Variants in ARMH4 observed in about 807,000 individuals in gnomAD.
ARMH4 encodes the protein armadillo like helical domain containing 4, also known as armadillo-like helical domain-containing protein 4.
ARMH4 carries 49 observed loss-of-function variants against 61.9 expected under a neutral mutation model. That is an observed-to-expected ratio of 0.79 (90% CI 0.63 to 1.00). ARMH4 has a LOEUF of 1.00. ARMH4 is among the 50% of genes least tolerant of loss of function. The pLI, the probability that ARMH4 is intolerant of heterozygous loss-of-function variation, is 0.00. For synonymous variants in ARMH4, 368 were observed against 341.5 expected, an observed-to-expected ratio of 1.08 and a Z score of -0.85; for missense variants, 934 against 930.0, an observed-to-expected ratio of 1.00 and a Z score of -0.06.
intron 5 of ARMH4, among the ~76,000 whole-genome samples, chr14:58,029,100 T>C (rs540960801): frequency 6.6e-6 from 1 of 152,240 alleles, no homozygotes; most frequent in African/African-American, 2.4e-5. Flanking sequence ...TCCCTCTCCA[T>C]TCCCCTCACT....
intron 5 of ARMH4, among the ~76,000 whole-genome samples, chr14:58,071,856 A>C (rs1350118208): frequency 6.6e-6 from 1 of 152,252 alleles, no homozygotes; most frequent in Non-Finnish European, 1.5e-5. Context: ...AGTGCTGACG[A>C]CAAGGGAGAT....
At chr14:58,123,136 A>G (rs1222055048) in intron 4 of ARMH4, among the ~76,000 whole-genome samples, 2 of 152,062 alleles carry the variant, frequency 1.3e-5, no homozygotes, top group Non-Finnish European at 2.9e-5. Flanking sequence ...TACTCTTTTC[A>G]CACGCTTTTC....
chr14:58,038,416 G>A (rs188852878), intron 5 of ARMH4, among the ~76,000 whole-genome samples: 1 of 110,852 alleles, frequency 9.0e-6, no homozygotes, highest in Non-Finnish European at 1.8e-5. Flanking sequence ...GTCGGGGGAG[G>A]GGGGAGGGAT....
At chr14:58,122,582 A>G (rs1886762235) in intron 4 of ARMH4, among the ~76,000 whole-genome samples, 1 of 152,156 alleles carries the variant, frequency 6.6e-6, no homozygotes, top group Non-Finnish European at 1.5e-5. Flanking sequence ...GGTTTTCTAT[A>G]ATAGAGATCA....
At chr14:58,147,336 T>G (rs528543016) in intron 1 of ARMH4, among the ~76,000 whole-genome samples, 16 of 147,148 alleles carry the variant, frequency 1.1e-4, no homozygotes, top group Non-Finnish European at 2.4e-4. Flanking sequence ...TTTTTTTTGA[T>G]AGGAAGTCTC....
At position 58,117,892 on chromosome 14, in the gene ARMH4, G is replaced by C. The variant is rs188428266; in HGVS notation, c.1831+13620C>G. ...TCCTGCCTCAGCCTCCTGAACAGCT[G>C]AGACTACAGGTACATGCCACCACAC... On this transcript the variant is annotated intron_variant, in intron 4 of 7. Coordinates refer to ENST00000267485, the MANE Select transcript of ARMH4 (RefSeq NM_001001872.4). Among the ~76,000 whole-genome samples, 659 of 151,130 alleles carry C rather than the reference G, an allele frequency of 4.4e-3. 2 individuals carry two copies. Among genetic ancestry groups the C allele is most frequent in the African/African-American group, 0.015 (628 of 41,156 alleles).
At chr14:58,085,509 T>G (rs1885350574) in intron 5 of ARMH4, among the ~76,000 whole-genome samples, 1 of 152,116 alleles carries the variant, frequency 6.6e-6, no homozygotes, top group Non-Finnish European at 1.5e-5. Flanking sequence ...TTAACTGTAG[T>G]GGATGAAGAG....
intron 5 of ARMH4, among the ~76,000 whole-genome samples, chr14:58,047,805 T>C (rs763747820): frequency 1.3e-5 from 2 of 151,824 alleles, no homozygotes; most frequent in African/African-American, 2.4e-5. Context: ...TTGCACTGCA[T>C]AGGAATAGGA....
At chr14:58,114,765 T>C (rs1261038882) in intron 4 of ARMH4, among the ~76,000 whole-genome samples, 1 of 152,062 alleles carries the variant, frequency 6.6e-6, no homozygotes, top group African/African-American at 2.4e-5. Flanking sequence ...TACCTTCTAA[T>C]AGAGAACCAA....
chr14:58,137,494 G>T (rs958797324), intron 2 of ARMH4, among the ~76,000 whole-genome samples: 1 of 152,002 alleles, frequency 6.6e-6, no homozygotes, highest in Non-Finnish European at 1.5e-5. Context: ...GCCTTCCCAG[G>T]TTAAAGTGAT....
At chr14:58,133,623 C>A (rs1887203324) in intron 2 of ARMH4, among the ~76,000 whole-genome samples, 1 of 152,274 alleles carries the variant, frequency 6.6e-6, no homozygotes, top group Non-Finnish European at 1.5e-5. Flanking sequence ...AGCTCCCTTT[C>A]AGGCACATGT....
rs117946058 is a variant in ARMH4 at position 58,008,073 on chromosome 14, G to C, written c.2122-2891C>G. ...TTATGAAGGATATTTTGGGTTTGTT[G>C]AAAAAACTGAAATATGAATGCCAGA... On this transcript the variant is annotated intron_variant, in intron 6 of 7. Transcript: ENST00000267485. Among the ~76,000 whole-genome samples, 487 of 152,244 alleles carry C rather than the reference G, an allele frequency of 3.2e-3. 4 individuals carry two copies. The highest frequency in any genetic ancestry group is 4.3e-3 in the Non-Finnish European group (291 of 68,008).
chr14:58,048,963 C>T (rs565318674), intron 5 of ARMH4, among the ~76,000 whole-genome samples: 72 of 152,250 alleles, frequency 4.7e-4, no homozygotes, highest in Middle Eastern at 3.4e-3. Context: ...ACTGGCTGGG[C>T]ACCGTGGCTC....
intron 5 of ARMH4, among the ~76,000 whole-genome samples, chr14:58,014,484 T>G (rs35212969): frequency 0.18 from 27,314 of 152,174 alleles, 3,207 homozygotes; most frequent in East Asian, 0.56. Flanking sequence ...ACATCTGTCT[T>G]GCAAGATTGT....
At chr14:58,031,198 C>T (rs1333546792) in intron 5 of ARMH4, among the ~76,000 whole-genome samples, 1 of 152,174 alleles carries the variant, frequency 6.6e-6, no homozygotes, top group Non-Finnish European at 1.5e-5. Context: ...GTTTCTTCAG[C>T]AGACATAATT....
At chr14:58,086,445 C>T (rs1347891080) in intron 5 of ARMH4, among the ~76,000 whole-genome samples, 1 of 152,120 alleles carries the variant, frequency 6.6e-6, no homozygotes, top group Non-Finnish European at 1.5e-5. Context: ...AGGTGAAGCT[C>T]TACCTGCCAT....
chr14:58,054,885 A>T (rs202039363), intron 5 of ARMH4, among the ~76,000 whole-genome samples: 3 of 86,368 alleles, frequency 3.5e-5, no homozygotes, highest in South Asian at 5.4e-4. Context: ...AAAAAAAAAA[A>T]TAATAATAAT....
chr14:58,126,723 T>G (rs916496497), intron 4 of ARMH4, among the ~76,000 whole-genome samples: 5 of 151,646 alleles, frequency 3.3e-5, no homozygotes, highest in Admixed American at 1.3e-4. Context: ...AGAAAAAAAC[T>G]GTAGTTAAAG....
intron 5 of ARMH4, among the ~76,000 whole-genome samples, chr14:58,087,523 C>T (rs950486410): frequency 6.6e-6 from 1 of 152,068 alleles, no homozygotes; most frequent in East Asian, 1.9e-4. Flanking sequence ...AGCTGCTTCA[C>T]GTTCATTTTC....
Sources: gnomAD v4.1 joint callset for allele counts (sites outside exome capture counted in the v4.1 genomes callset) on GRCh38, gnomAD v4.1.1 for gene constraint, MANE v1.5 for transcripts, NCBI Gene and HGNC (gene_info 2026-07-23, HGNC 2026-07-21) for gene names.